ITGA9: variants seen among roughly 807,000 people sequenced by gnomAD.
ITGA9 encodes integrin alpha-9.
Under a neutral mutation model 127.8 loss-of-function variants are expected in ITGA9, and 56 were observed. The observed-to-expected ratio is 0.44, with a 90% CI of 0.35 to 0.55. The LOEUF is 0.55. Among genes scored for constraint, ITGA9 ranks in the 20% least tolerant of loss-of-function variants. The pLI is 0.00. For missense variants in ITGA9, 1,196 were observed against 1,347.1 expected (o/e 0.89, Z 1.76); for synonymous variants, 508 against 514.5 (o/e 0.99, Z 0.17).
intron 10 of ITGA9, among the ~76,000 whole-genome samples, chr3:37,518,252 C>T (rs17036502): frequency 0.039 from 5,884 of 152,220 alleles, 319 homozygotes; most frequent in African/African-American, 0.12. Context: ...AGCATACAGA[C>T]GTCGGGAGGC....
chr3:37,725,735 A>C (rs934426850), intron 18 of ITGA9, among the ~76,000 whole-genome samples: 1 of 152,210 alleles, frequency 6.6e-6, no homozygotes. Flanking sequence ...GAGGCTATGT[A>C]CTCCATCCTA....
intron 16 of ITGA9, among the ~76,000 whole-genome samples, chr3:37,652,170 G>C (rs559537319): frequency 6.6e-6 from 1 of 152,116 alleles, no homozygotes; most frequent in South Asian, 2.1e-4. Context: ...TTTGTGCAAG[G>C]CTTCCCTAGG....
At chr3:37,592,056 C>T (rs76199569) in intron 15 of ITGA9, among the ~76,000 whole-genome samples, 8,296 of 152,146 alleles carry the variant, frequency 0.055, 326 homozygotes, top group Non-Finnish European at 0.084. Flanking sequence ...TCCCTCCCCA[C>T]GCCCCCATAT....
chr3:37,695,552 A>G (rs1483886206), intron 18 of ITGA9, among the ~76,000 whole-genome samples: 3 of 152,208 alleles, frequency 2.0e-5, no homozygotes, highest in Non-Finnish European at 4.4e-5. Context: ...ATGTGAATGT[A>G]CGGCTACAGT....
At chr3:37,755,006 A>G (rs962118868) in intron 23 of ITGA9, among the ~76,000 whole-genome samples, 1 of 152,214 alleles carries the variant, frequency 6.6e-6, no homozygotes. Context: ...GGGGCCATCA[A>G]ATCAGTCGAT....
chr3:37,672,843 C>G (rs920509890), intron 17 of ITGA9, among the ~76,000 whole-genome samples: 2 of 150,272 alleles, frequency 1.3e-5, no homozygotes, highest in Non-Finnish European at 3.0e-5. Flanking sequence ...TAGATTTTCT[C>G]TAATATATTT....
At chr3:37,767,633 A>G (rs1270484708) in intron 23 of ITGA9, among the ~76,000 whole-genome samples, 1 of 152,214 alleles carries the variant, frequency 6.6e-6, no homozygotes, top group Non-Finnish European at 1.5e-5. Flanking sequence ...GGGACTGTCC[A>G]AAGCCAGAGC....
At chr3:37,663,217 T>C (rs1575184652) in intron 17 of ITGA9, among the ~76,000 whole-genome samples, 1 of 152,346 alleles carries the variant, frequency 6.6e-6, no homozygotes, top group Middle Eastern at 3.4e-3. Flanking sequence ...TTTTGTCTTT[T>C]TGAATACTCA....
At chr3:37,665,936 G>A (rs1700581795) in intron 17 of ITGA9, among the ~76,000 whole-genome samples, 1 of 152,158 alleles carries the variant, frequency 6.6e-6, no homozygotes, top group Non-Finnish European at 1.5e-5. Context: ...GACATCGAAG[G>A]GTGACATGCC....
At chr3:37,478,772 T>C (rs773797070) in intron 3 of ITGA9, among the ~76,000 whole-genome samples, 5 of 152,260 alleles carry the variant, frequency 3.3e-5, no homozygotes, top group African/African-American at 4.8e-5. Flanking sequence ...AGAGACACTT[T>C]GCATTGTTTT....
Position 37,575,869 on chromosome 3 carries a change from C to T in ITGA9, c.1689+33284C>T, listed in dbSNP as rs558199733. Among the ~76,000 whole-genome samples, 27 of 152,266 alleles carry T rather than the reference C, an allele frequency of 1.8e-4. No individual in the cohort carries two copies. In the South Asian group the frequency reaches 5.4e-3, roughly 30 times the overall value. Reference sequence around the variant, plus strand: ...GGAAACCAGCCGTTACAACTCCAAACGTTTATTTTTCTGATAATAGGTCAA... The same window carrying T: ...GGAAACCAGCCGTTACAACTCCAAATGTTTATTTTTCTGATAATAGGTCAA... On this transcript the variant is annotated intron_variant, in intron 15 of 27. Transcript: ENST00000264741.
chr3:37,652,930 A>T (rs560565471), intron 16 of ITGA9, among the ~76,000 whole-genome samples: 6 of 152,216 alleles, frequency 3.9e-5, no homozygotes, highest in Non-Finnish European at 8.8e-5. Context: ...CGTAGAAGAA[A>T]GCCCTAACCC....
At chr3:37,574,483 A>T (rs936763751) in intron 15 of ITGA9, among the ~76,000 whole-genome samples, 2 of 152,140 alleles carry the variant, frequency 1.3e-5, no homozygotes, top group Non-Finnish European at 2.9e-5. Context: ...TTCCATATTC[A>T]TGCAGGTCTT....
chr3:37,745,476 T>G (rs1411299815), intron 22 of ITGA9: 1 of 152,226 alleles, frequency 6.6e-6, no homozygotes, highest in Non-Finnish European at 1.5e-5. Flanking sequence ...CTTTTCGTAA[T>G]TGGGTAGGAA....
chr3:37,573,305 C>T (rs1699620637), intron 15 of ITGA9: 1 of 152,210 alleles, frequency 6.6e-6, no homozygotes, highest in African/African-American at 2.4e-5. Flanking sequence ...TTGGGGTTCT[C>T]ATTCAGATTC....
Position 37,777,478 on chromosome 3 carries a change from AAT to A in ITGA9, c.2631_2632del (p.Phe878CysfsTer14). On this transcript the variant is annotated frameshift_variant, in exon 24 of 28. Coordinates refer to ENST00000264741, the MANE Select transcript of ITGA9 (RefSeq NM_002207.3). LOFTEE classifies it high-confidence loss of function. ...PQEQENIFHT[I>X]FAFFTKSGRK... ...AAGAACAAGAAAATATCTTCCACAC[AAT>A]ATTTGCTTTTTTCACAAAGTCTGGA... is the stretch of plus-strand genomic sequence containing the variant. 1 of 1,614,100 alleles carries A rather than the reference AAT, an allele frequency of 6.2e-7. No homozygotes were observed. The highest frequency in any genetic ancestry group is 8.5e-7 in the Non-Finnish European group (1 of 1,179,952).
In ITGA9 at chr3:37,806,276, T is replaced by G. The variant is rs577708891; in HGVS notation, c.3009+2334T>G. 1.3e-5 allele frequency: 2 copies of G among 149,892 alleles called. No homozygotes were observed. Among genetic ancestry groups the G allele is most frequent in the South Asian group, 2.1e-4 (1 of 4,742 alleles). 9.3% of individuals were successfully genotyped at this position (149,892 alleles called of 1,614,324 possible). On this transcript the variant is annotated intron_variant, in intron 27 of 27. Transcript: ENST00000264741. This position sits in a 1 kb window ranked among gnomAD's most constrained non-coding sequence, Gnocchi z 4.3. Reference sequence around the variant, plus strand: ...TGAGTTGAGGGCTTTGGTGCATGAGTGTGTGTGGGTGTGTGTGTGTGTGCG... The same window carrying G: ...TGAGTTGAGGGCTTTGGTGCATGAGGGTGTGTGGGTGTGTGTGTGTGTGCG...
chr3:37,816,188 A>G (rs566947749), intron 27 of ITGA9, among the ~76,000 whole-genome samples: 1 of 152,306 alleles, frequency 6.6e-6, no homozygotes, highest in South Asian at 2.1e-4. Context: ...TATCGCTGGT[A>G]CCAAGGACAG....
intron 15 of ITGA9, among the ~76,000 whole-genome samples, chr3:37,546,167 G>A (rs1465724580): frequency 1.3e-5 from 2 of 152,062 alleles, no homozygotes; most frequent in African/African-American, 4.8e-5. Flanking sequence ...GAAAGTAACT[G>A]TAAAAATAAA....
Sources: gnomAD v4.1 joint callset for allele counts (sites outside exome capture counted in the v4.1 genomes callset) on GRCh38, gnomAD v4.1.1 for gene constraint, Gnocchi (gnomAD v3.1) non-coding constraint, MANE v1.5 for transcripts, NCBI Gene and HGNC (gene_info 2026-07-23, HGNC 2026-07-21) for gene names.